The following SNRPD3 variants were observed in gnomAD, a reference collection of about 807,000 sequenced individuals.
SNRPD3 encodes small nuclear ribonucleoprotein Sm D3.
For synonymous variants in SNRPD3, 66 were observed against 58.4 expected, an observed-to-expected ratio of 1.13 and a Z score of -0.59; for missense variants, 73 against 167.5, an observed-to-expected ratio of 0.44 and a Z score of 3.11.
At chr22:24,559,951 A>ATAT (rs2045116648) in intron 2 of SNRPD3, among the ~76,000 whole-genome samples, 1 of 152,054 alleles carries the variant, frequency 6.6e-6, no homozygotes, top group South Asian at 2.1e-4. Flanking sequence ...CCTTGCTTAT[A>ATAT]TATGGCTCTC....
intron 2 of SNRPD3, among the ~76,000 whole-genome samples, chr22:24,565,773 G>A (rs577361558): frequency 6.6e-6 from 1 of 152,172 alleles, no homozygotes; most frequent in African/African-American, 2.4e-5. Context: ...TGATTCTCCT[G>A]CCTCAGCCTC....
intron 3 of SNRPD3, among the ~76,000 whole-genome samples, chr22:24,569,589 C>T (rs2045229571): frequency 1.3e-5 from 2 of 152,280 alleles, no homozygotes; most frequent in Non-Finnish European, 2.9e-5. Context: ...ACACTATCTA[C>T]CTGGAGATAG....
intron 2 of SNRPD3, among the ~76,000 whole-genome samples, chr22:24,561,262 C>T (rs993855156): frequency 7.9e-5 from 12 of 151,512 alleles, no homozygotes; most frequent in African/African-American, 2.4e-4. Context: ...TTTGTAGAGA[C>T]GGAGTCTTGA....
intron 2 of SNRPD3, among the ~76,000 whole-genome samples, chr22:24,566,596 C>CT (rs2045198651): frequency 6.6e-6 from 1 of 152,182 alleles, no homozygotes; most frequent in African/African-American, 2.4e-5. Flanking sequence ...CAAGCAGAGG[C>CT]TGGGTGGCCA....
chr22:24,561,216 G>T (rs1032399406), intron 2 of SNRPD3, among the ~76,000 whole-genome samples: 4 of 151,748 alleles, frequency 2.6e-5, no homozygotes, highest in African/African-American at 9.7e-5. Context: ...AGGACTACCA[G>T]TGTGCCCCAC....
At chr22:24,565,723 T>G (rs2045191171) in intron 2 of SNRPD3, among the ~76,000 whole-genome samples, 1 of 152,026 alleles carries the variant, frequency 6.6e-6, no homozygotes, top group African/African-American at 2.4e-5. Flanking sequence ...TACAGTGGCG[T>G]GATTTTGGCT....
upstream of SNRPD3, chr22:24,555,770 T>A (rs1390876831): frequency 3.9e-6 from 6 of 1,550,224 alleles, no homozygotes; most frequent in Non-Finnish European, 5.2e-6. Flanking sequence ...GTGAGCACCC[T>A]CTCTGGCTCT....
intron 2 of SNRPD3, among the ~76,000 whole-genome samples, chr22:24,562,018 C>T (rs1232077369): frequency 6.6e-6 from 1 of 151,478 alleles, no homozygotes; most frequent in Non-Finnish European, 1.5e-5. Context: ...CACAAAAGCA[C>T]ACCACAACGA....
intron 2 of SNRPD3, among the ~76,000 whole-genome samples, chr22:24,563,368 A>C (rs1238268048): frequency 6.6e-6 from 1 of 151,946 alleles, no homozygotes; most frequent in Non-Finnish European, 1.5e-5. Flanking sequence ...GAGGTCCCTG[A>C]AATGGTGCTT....
intron 2 of SNRPD3, among the ~76,000 whole-genome samples, chr22:24,560,715 CTTTTTTTTTTTTT>C (rs59348518): frequency 3.0e-5 from 3 of 98,848 alleles, no homozygotes; most frequent in East Asian, 6.0e-4. Flanking sequence ...TGCACCTGGC[CTTTTTTTTTTTTT>C]TTTTTTTTTT....
At chr22:24,568,695 T>G (rs2147129440) in intron 3 of SNRPD3, among the ~76,000 whole-genome samples, 1 of 150,032 alleles carries the variant, frequency 6.7e-6, no homozygotes, top group Admixed American at 6.6e-5. Context: ...TAGCTGGGAT[T>G]ACAGGCACCC....
intron 1 of SNRPD3, among the ~76,000 whole-genome samples, chr22:24,557,438 C>A (rs948851498): frequency 6.6e-6 from 1 of 151,970 alleles, no homozygotes; most frequent in Non-Finnish European, 1.5e-5. Context: ...TACTTCTGTC[C>A]ATCCCATCAT....
Position 24,574,126 on chromosome 22 carries a change from GTACT to G in SNRPD3, c.*2155_*2158del, listed in dbSNP as rs1187151341. 1.3e-5 allele frequency among the ~76,000 whole-genome samples: 2 copies of G among 152,134 alleles called. No individual in the cohort carries two copies. Among genetic ancestry groups the G allele is most frequent in the African/African-American group, 2.4e-5 (1 of 41,430 alleles). On this transcript the variant is annotated 3_prime_UTR_variant, in exon 4 of 4. Coordinates refer to ENST00000215829, the MANE Select transcript of SNRPD3 (RefSeq NM_004175.5). ...ATTCATCATACTTTTACAGTAAACA[GTACT>G]TACTTTGAATAATAACACATTACAC...
chr22:24,564,985 GCCATCCTCCCACC>G (rs1273132716), intron 2 of SNRPD3, among the ~76,000 whole-genome samples: 1 of 149,586 alleles, frequency 6.7e-6, no homozygotes, highest in Non-Finnish European at 1.5e-5. Flanking sequence ...CTGGGCTCCA[GCCATCCTCCCACC>G]TCAGCCTCCC....
intron 3 of SNRPD3, among the ~76,000 whole-genome samples, chr22:24,571,673 G>A (rs910014278): frequency 1.3e-5 from 2 of 151,920 alleles, no homozygotes; most frequent in African/African-American, 4.8e-5. Context: ...AATCCCAGGA[G>A]GTGGAGATTG....
chr22:24,561,059 C>CTTTTCTTTTTTTTTT (rs2045137089), intron 2 of SNRPD3, among the ~76,000 whole-genome samples: 1 of 93,286 alleles, frequency 1.1e-5, no homozygotes, highest in Non-Finnish European at 2.1e-5. Context: ...TTTCCTTTTT[C>CTTTTCTTTTTTTTTT]TTTTCTTTTT....
intron 2 of SNRPD3, among the ~76,000 whole-genome samples, chr22:24,560,107 T>TTTTC (rs1174588239): frequency 1.0e-3 from 3 of 2,902 alleles, no homozygotes; most frequent in African/African-American, 1.3e-3. Context: ...TTTTTTTTTT[T>TTTTC]TTGAGATGGA....
chr22:24,566,629 G>C (rs1029549186), intron 2 of SNRPD3, among the ~76,000 whole-genome samples: 32 of 152,348 alleles, frequency 2.1e-4, no homozygotes, highest in African/African-American at 6.5e-4. Flanking sequence ...GGAAAAGAAT[G>C]AATGAGTATA....
At chr22:24,563,258 G>GTA (rs750221647) in intron 2 of SNRPD3, among the ~76,000 whole-genome samples, 1 of 40,372 alleles carries the variant, frequency 2.5e-5, no homozygotes, top group African/African-American at 8.1e-5. Flanking sequence ...GTGTATGTAT[G>GTA]TATATATGTA....
Sources: allele counts gnomAD v4.1 joint callset (sites outside exome capture counted in the v4.1 genomes callset), GRCh38; gene constraint gnomAD v4.1.1; transcripts MANE v1.5; gene names NCBI Gene and HGNC (gene_info 2026-07-23, HGNC 2026-07-21).